The following IL10RA variants were observed in gnomAD, a reference collection of about 807,000 sequenced individuals.
IL10RA encodes the protein interleukin-10 receptor subunit alpha.
Under a neutral mutation model 29.6 loss-of-function variants are expected in IL10RA, and 18 were observed. The observed-to-expected ratio is 0.61, with a 90% confidence interval of 0.42 to 0.90. The LOEUF (loss-of-function observed/expected upper bound fraction) is 0.90. IL10RA is among the 40% of genes least tolerant of loss of function. The pLI, the probability that IL10RA is intolerant of heterozygous loss-of-function variation, is 0.00. For synonymous variants in IL10RA, 292 were observed against 294.1 expected, an observed-to-expected ratio of 0.99 and a Z score of 0.07; for missense variants, 634 against 716.6, an observed-to-expected ratio of 0.88 and a Z score of 1.32.
chr11:117,996,877 C>A (rs765236189), intron 6 of IL10RA, among the ~76,000 whole-genome samples: 14 of 152,214 alleles, frequency 9.2e-5, no homozygotes, highest in Non-Finnish European at 1.6e-4. Flanking sequence ...GCCACCGCAC[C>A]CTGCCCCTTC....
intron 3 of IL10RA, 135 bp from the exon 4 acceptor site, chr11:117,993,105 TG>T: frequency 2.6e-6 from 2 of 759,558 alleles, no homozygotes; most frequent in South Asian, 1.5e-5. Flanking sequence ...TCTGCTGCAT[TG>T]ACAAACCTGT....
intron 5 of IL10RA, 147 bp from the exon 6 acceptor site, chr11:117,995,442 C>T: frequency 1.0e-6 from 1 of 972,804 alleles, no homozygotes; most frequent in East Asian, 2.4e-5. Flanking sequence ...CTAGACACAT[C>T]TAGAGTTGTG....
chr11:117,994,160 T>A lies in IL10RA; in HGVS notation c.688+11T>A. The stretch of plus-strand genomic sequence containing the variant: ...CCCTCACCAGGCAGTGTGAGTCAGC[T>A]GGGCTGCTCTCAGCATGGGGAGGGA... On this transcript the variant is annotated intron_variant, in intron 5 of 6. Transcript: ENST00000227752. 6.2e-7 allele frequency: 1 copy of A among 1,613,148 alleles called. No homozygotes were observed. The highest frequency in any genetic ancestry group is 1.3e-5 in the African/African-American group (1 of 75,008).
chr11:117,989,640 T>C lies in IL10RA; in HGVS notation c.367+20T>C. On this transcript the variant is annotated intron_variant, in intron 3 of 6. Coordinates refer to ENST00000227752, the MANE Select transcript of IL10RA (RefSeq NM_001558.4). The surrounding 1 kb of genome is among the most constrained non-coding windows in gnomAD (Gnocchi z 4.5). Reference sequence around the variant, plus strand: ...ATGAAGGTGCTTTTCCTCCCTTGACTTAGAACATGGCTCTGAAGTCCCTTC... The same window carrying C: ...ATGAAGGTGCTTTTCCTCCCTTGACCTAGAACATGGCTCTGAAGTCCCTTC... 1 of 1,611,822 alleles carries C rather than the reference T, an allele frequency of 6.2e-7. No homozygotes were observed. The highest frequency in any genetic ancestry group is 8.5e-7 in the Non-Finnish European group (1 of 1,179,034).
chr11:117,988,792 G>C (rs1385322451), intron 2 of IL10RA, among the ~76,000 whole-genome samples: 1 of 152,008 alleles, frequency 6.6e-6, no homozygotes, highest in South Asian at 2.1e-4. Context: ...ACAGCTTCTC[G>C]CTCTGTCACC....
At chr11:117,991,978 A>G (rs933298641) in intron 3 of IL10RA, among the ~76,000 whole-genome samples, 13 of 151,864 alleles carry the variant, frequency 8.6e-5, no homozygotes, top group African/African-American at 1.7e-4. Context: ...CAAATGATCC[A>G]CCCGCCTAAG....
At chr11:117,986,651 G>C in intron 1 of IL10RA, 117 bp downstream of exon 1, 1 of 1,538,194 alleles carries the variant, frequency 6.5e-7, no homozygotes, top group Non-Finnish European at 8.7e-7. Context: ...CGGTGCCCGG[G>C]TGCTCCCTTA....
chr11:117,999,676 G>A lies in IL10RA; in HGVS notation c.*35G>A, dbSNP rs2058081393. The A allele has an allele frequency of 6.3e-7, 1 of 1,575,854 alleles. No homozygotes were observed. Among genetic ancestry groups the A allele is most frequent in the Non-Finnish European group, 8.7e-7 (1 of 1,146,888 alleles). ...AGAGGCTGCTTTTGATTTTAGCCAT[G>A]CCTGCTCCTCTGCCTGGACCAGGAG... On this transcript the variant is annotated 3_prime_UTR_variant, in exon 7 of 7. Coordinates refer to ENST00000227752, the MANE Select transcript of IL10RA (RefSeq NM_001558.4).
rs1565375338 is a variant in IL10RA at position 118,001,110 on chromosome 11, AG to A, written c.*1470del. On this transcript the variant is annotated 3_prime_UTR_variant, in exon 7 of 7. Transcript: ENST00000227752. ...CTCTGCCAAAGTACTCTTAGGTGCC[AG>A]TCTGGTAACTGAACTCCCTCTGGAG... 2.2e-6 allele frequency: 1 copy of A among 454,258 alleles called. No individual in the cohort carries two copies. The highest frequency in any genetic ancestry group is 1.6e-5 in the South Asian group (1 of 64,484). 28.1% of individuals were successfully genotyped at this position (454,258 alleles called of 1,614,324 possible).
At chr11:117,994,173 G>C (rs765867408) in intron 5 of IL10RA, 24 bp downstream of exon 5, 1 of 1,611,260 alleles carries the variant, frequency 6.2e-7, no homozygotes, top group East Asian at 2.2e-5. Context: ...GCTGCTCTCA[G>C]CATGGGGAGG....
intron 3 of IL10RA, 65 bp from the exon 4 acceptor site, chr11:117,993,176 G>A (rs2058034413): frequency 6.8e-7 from 1 of 1,460,302 alleles, no homozygotes. Context: ...GTCTCGGCGG[G>A]GACACCCAGG....
At position 117,999,596 on chromosome 11, in the gene IL10RA, C is replaced by T; in HGVS notation, c.1692C>T (p.Asp564=). The T allele has an allele frequency of 1.9e-6, 3 of 1,614,150 alleles. No individual in the cohort carries two copies. The highest frequency in any genetic ancestry group is 2.5e-6 in the Non-Finnish European group (3 of 1,180,018). The change falls in exon 7 of 7, where the codon GAC becomes GAT. Residue 564 remains aspartate, a synonymous_variant. Coordinates refer to ENST00000227752, the MANE Select transcript of IL10RA (RefSeq NM_001558.4). ...GTCTCCTGGGCAGCTTTAACTCAGA[C>T]CTGGTCACCCTGCCCCTCATCTCTA... ...PGGLLGSFNS[D]LVTLPLISSL...
chr11:117,995,829 C>G lies in IL10RA; in HGVS notation c.810+119C>G, dbSNP rs967511821. 7.4e-6 allele frequency: 8 copies of G among 1,084,358 alleles called. No individual in the cohort carries two copies. In the Admixed American group the frequency reaches 1.4e-4, roughly 19 times the overall value. 67.2% of individuals were successfully genotyped at this position (1,084,358 alleles called of 1,614,324 possible). A position where few individuals can be genotyped will look rare whatever the true frequency, so the allele number is the denominator to read the frequency against. On this transcript the variant is annotated intron_variant, in intron 6 of 6. Coordinates refer to ENST00000227752, the MANE Select transcript of IL10RA (RefSeq NM_001558.4). ...TGCCTTAGCTTGCCTCTGCTCTCAG[C>G]CCTGATGTGATTGGGAGATACCTTC...
Position 117,998,879 on chromosome 11 carries a change from G to C in IL10RA, c.975G>C (p.Lys325Asn), listed in dbSNP as rs375357983. ...GSTDSGFGSTKPSLQTEEPQF... is the reference protein window; with the variant it reads ...GSTDSGFGSTNPSLQTEEPQF... ...CAGACAGTGGCTTTGGCAGCACCAA[G>C]CCATCCCTGCAGACTGAAGAGCCCC... The change falls in exon 7 of 7, where the codon AAG becomes AAC. Residue 325 changes from lysine (K) to asparagine (N), a missense_variant. By Grantham distance (94) the Lys-to-Asn change is moderately conservative. Coordinates refer to ENST00000227752, the MANE Select transcript of IL10RA (RefSeq NM_001558.4). The C allele has an allele frequency of 1.7e-5, 27 of 1,614,106 alleles. No homozygotes were observed. Among genetic ancestry groups the C allele is most frequent in the Non-Finnish European group, 2.3e-5 (27 of 1,180,038 alleles).
chr11:117,986,835 T>C, intron 1 of IL10RA: 1 of 1,480,228 alleles, frequency 6.8e-7, no homozygotes, highest in Non-Finnish European at 9.0e-7. Context: ...TCTAGGTTTT[T>C]TGCTGTTTAG....
Position 117,988,392 on chromosome 11 carries a change from GC to G in IL10RA, c.81del (p.Ser28AlafsTer35). 3.1e-6 allele frequency: 5 copies of G among 1,614,148 alleles called. No individual in the cohort carries two copies. The highest frequency in any genetic ancestry group is 4.2e-6 in the Non-Finnish European group (5 of 1,180,026). ...CACTCTTCTCCCCAGGGACAGAGCT[GC>G]CCAGCCCTCCGTCTGTGTGGTTTGA... Reference protein sequence around the residue: ...LGSDAHGTELPSPPSVWFEAE... With the variant: ...LGSDAHGTELXSPPSVWFEAE... On this transcript the variant is annotated frameshift_variant, in exon 2 of 7. Coordinates refer to ENST00000227752, the MANE Select transcript of IL10RA (RefSeq NM_001558.4). LOFTEE classifies it high-confidence loss of function.
At chr11:117,997,288 C>T (rs1403448235) in intron 6 of IL10RA, among the ~76,000 whole-genome samples, 1 of 152,160 alleles carries the variant, frequency 6.6e-6, no homozygotes, top group African/African-American at 2.4e-5. Flanking sequence ...TATTGAGCAC[C>T]TTCTATGTAC....
At chr11:117,995,106 C>G in intron 5 of IL10RA, 1 of 184,728 alleles carries the variant, frequency 5.4e-6, no homozygotes, top group East Asian at 1.3e-4. Flanking sequence ...TAGTATTTAC[C>G]TCCTATAAGT....
At position 118,001,268 on chromosome 11, in the gene IL10RA, C is replaced by T. The variant is rs533185851; in HGVS notation, c.*1627C>T. On this transcript the variant is annotated 3_prime_UTR_variant, in exon 7 of 7. Transcript: ENST00000227752. ...TATCTCAGGAGCCCCGAAATTCTAG[C>T]TCTGACTTTGCTGTTTCCAGTGGTA... is the stretch of plus-strand genomic sequence containing the variant. 1 of 454,172 alleles carries T rather than the reference C, an allele frequency of 2.2e-6. No individual in the cohort carries two copies. The highest frequency in any genetic ancestry group is 2.3e-5 in the Admixed American group (1 of 42,580). The allele number at this position is 454,172 out of a possible 1,614,324, so 28.1% of individuals were successfully genotyped here. A position where few individuals can be genotyped will look rare whatever the true frequency, so the allele number is the denominator to read the frequency against.
Sources: allele counts gnomAD v4.1 joint callset (sites outside exome capture counted in the v4.1 genomes callset), GRCh38; gene constraint gnomAD v4.1.1; non-coding constraint Gnocchi (gnomAD v3.1); transcripts MANE v1.5; gene names NCBI Gene and HGNC (gene_info 2026-07-23, HGNC 2026-07-21).